ARPC4: variants seen among roughly 807,000 people sequenced by gnomAD.
ARPC4 encodes actin-related protein 2/3 complex subunit 4.
Under a neutral mutation model 22.8 loss-of-function variants are expected in ARPC4, and 3 were observed. The ratio of observed to expected loss-of-function variants is 0.13; its 90% CI spans 0.06 to 0.34. ARPC4 has a LOEUF of 0.34. Ranked by LOEUF, ARPC4 falls within the 10% of genes least tolerant of loss-of-function variation. ARPC4 has a pLI of 1.00. For missense variants in ARPC4, 98 were observed against 211.0 expected, an observed-to-expected ratio of 0.46 and a Z score of 3.32; for synonymous variants, 80 against 72.5, an observed-to-expected ratio of 1.10 and a Z score of -0.52.
chr3:9,793,523 C>T (rs1346399585), intron 1 of ARPC4, among the ~76,000 whole-genome samples: 1 of 152,218 alleles, frequency 6.6e-6, no homozygotes, highest in African/African-American at 2.4e-5. Context: ...CCTTTGTCCT[C>T]TTCTGCCTTC....
chr3:9,795,243 A>G lies in ARPC4; in HGVS notation c.3+2119A>G, dbSNP rs1309121436. The stretch of plus-strand genomic sequence containing the variant: ...TTGAACTCCTGACCTGAGGTGGTCC[A>G]CCCACCTCGGCCTCCCAAAGTGCCG... On this transcript the variant is annotated intron_variant, in intron 1 of 5. Transcript: ENST00000397261. Among the ~76,000 whole-genome samples the G allele has an allele frequency of 3.3e-5, 5 of 152,036 alleles. 1 individual carries two copies. The East Asian group carries it at 9.7e-4, about 29-fold the overall frequency.
Position 9,802,919 on chromosome 3 carries a change from C to T in ARPC4, c.331-924C>T, listed in dbSNP as rs187980478. 2.6e-3 allele frequency among the ~76,000 whole-genome samples: 394 copies of T among 152,102 alleles called. 1 individual carries two copies. The highest frequency in any genetic ancestry group is 9.2e-3 in the African/African-American group (380 of 41,478). ...CTGACCTCAGGTGATCCGCCTGCCT[C>T]GGCCTCCCAAAGTGAATCATAGTCT... On this transcript the variant is annotated intron_variant, in intron 4 of 5. Transcript: ENST00000397261.
chr3:9,797,071 T>C (rs961259001), intron 1 of ARPC4, among the ~76,000 whole-genome samples: 11 of 145,898 alleles, frequency 7.5e-5, no homozygotes, highest in African/African-American at 2.8e-4. Context: ...GTCATCTTTA[T>C]ATCATAGTTA....
chr3:9,805,489 G>A (rs1457042656), intron 5 of ARPC4, among the ~76,000 whole-genome samples: 1 of 152,204 alleles, frequency 6.6e-6, no homozygotes, highest in Non-Finnish European at 1.5e-5. Flanking sequence ...GTATGGAGTG[G>A]GCAGGGTGAG....
At chr3:9,800,705 A>G (rs952275883) in intron 3 of ARPC4, among the ~76,000 whole-genome samples, 1 of 152,074 alleles carries the variant, frequency 6.6e-6, no homozygotes, top group African/African-American at 2.4e-5. Flanking sequence ...GATTACAGTC[A>G]TGAGCCACCA....
chr3:9,806,365 G>C lies in ARPC4; in HGVS notation c.*150G>C, dbSNP rs77589628. The C allele has an allele frequency of 5.0e-3, 4,547 of 915,244 alleles. 165 individuals carry two copies. In the East Asian group the frequency reaches 0.084, roughly 17 times the overall value. 56.7% of individuals were successfully genotyped at this position (915,244 alleles called of 1,614,324 possible). On this transcript the variant is annotated 3_prime_UTR_variant, in exon 6 of 6. Coordinates refer to ENST00000397261, the MANE Select transcript of ARPC4 (RefSeq NM_005718.5). ...CGGGAGGTGGGTGGTGTGCTTGCTAGCTGGGCAAGAAAGCAGCAGTGGACC... is the reference window on the plus strand; with the variant it reads ...CGGGAGGTGGGTGGTGTGCTTGCTACCTGGGCAAGAAAGCAGCAGTGGACC...
At chr3:9,794,650 CAGCCT>C (rs2078841530) in intron 1 of ARPC4, among the ~76,000 whole-genome samples, 7 of 152,070 alleles carry the variant, frequency 4.6e-5, no homozygotes, top group Non-Finnish European at 1.0e-4. Flanking sequence ...CACTGCACTT[CAGCCT>C]GGACAATATA....
At chr3:9,803,495 C>G in intron 4 of ARPC4, 1 of 471,498 alleles carries the variant, frequency 2.1e-6, no homozygotes, top group South Asian at 1.5e-5. Context: ...TCTTCCACAT[C>G]ATCTCTTCTC....
chr3:9,795,288 CT>C (rs1159835578), intron 1 of ARPC4, among the ~76,000 whole-genome samples: 1 of 152,168 alleles, frequency 6.6e-6, no homozygotes, highest in African/African-American at 2.4e-5. Flanking sequence ...GCGTGAGCCC[CT>C]GGGAAGTTTT....
chr3:9,794,815 C>A (rs944059625), intron 1 of ARPC4, among the ~76,000 whole-genome samples: 14 of 152,086 alleles, frequency 9.2e-5, no homozygotes, highest in South Asian at 2.1e-4. Flanking sequence ...ACTGATTTTT[C>A]CCCCCTGTAG....
chr3:9,802,788 C>T (rs1437182517), intron 4 of ARPC4, among the ~76,000 whole-genome samples: 1 of 151,968 alleles, frequency 6.6e-6, no homozygotes, highest in Non-Finnish European at 1.5e-5. Context: ...ATTCTCCTGC[C>T]TCAGCCTCCC....
intron 1 of ARPC4, among the ~76,000 whole-genome samples, chr3:9,794,360 G>A (rs1311531814): frequency 4.6e-5 from 7 of 152,118 alleles, no homozygotes; most frequent in South Asian, 2.1e-4. Flanking sequence ...TTAGCCGGGC[G>A]TGGTGGTGGG....
chr3:9,796,927 C>T (rs1252411655), intron 1 of ARPC4, among the ~76,000 whole-genome samples: 2 of 117,388 alleles, frequency 1.7e-5, no homozygotes, highest in Non-Finnish European at 3.3e-5. Flanking sequence ...GGCAACAGAG[C>T]GAGACTCTGT....
chr3:9,803,173 G>A (rs552676419), intron 4 of ARPC4, among the ~76,000 whole-genome samples: 8 of 152,342 alleles, frequency 5.3e-5, no homozygotes, highest in Admixed American at 3.3e-4. Context: ...GTGAGCCACC[G>A]CGCCCGGCCC....
At chr3:9,793,188 G>A (rs1208477984) in intron 1 of ARPC4, 64 bp downstream of exon 1, 2 of 1,517,538 alleles carry the variant, frequency 1.3e-6, no homozygotes, top group Admixed American at 4.2e-5. Context: ...GTGGGTCGGT[G>A]GGAGATGTGG....
chr3:9,798,828 C>T (rs554207112), intron 2 of ARPC4, among the ~76,000 whole-genome samples: 25 of 152,072 alleles, frequency 1.6e-4, no homozygotes, highest in Middle Eastern at 6.8e-3. Flanking sequence ...GAGCCAAGAT[C>T]GTGCCACCGC....
At chr3:9,803,059 A>G (rs1477834839) in intron 4 of ARPC4, among the ~76,000 whole-genome samples, 1 of 151,722 alleles carries the variant, frequency 6.6e-6, no homozygotes, top group African/African-American at 2.4e-5. Context: ...AATTTTTTGT[A>G]TTTTTAGTAG....
At position 9,793,106 on chromosome 3, in the gene ARPC4, C is replaced by T; in HGVS notation, c.-16C>T. On this transcript the variant is annotated 5_prime_UTR_variant, in exon 1 of 6. Transcript: ENST00000397261. ...CACTTCCGTACTTCCGCTTTCCGGC[C>T]CAGCCAGCGCCCGCGATGGTGAGAG... is the stretch of plus-strand genomic sequence containing the variant. The T allele has an allele frequency of 1.9e-6, 3 of 1,544,024 alleles. No homozygotes were observed. Among genetic ancestry groups the T allele is most frequent in the Admixed American group, 2.0e-5 (1 of 50,290 alleles).
intron 3 of ARPC4, among the ~76,000 whole-genome samples, chr3:9,801,083 C>T (rs979563331): frequency 7.3e-5 from 11 of 151,608 alleles, no homozygotes; most frequent in African/African-American, 1.7e-4. Context: ...TGGTGGCACG[C>T]GCCTGTAATC....
Sources: gnomAD v4.1 joint callset for allele counts (sites outside exome capture counted in the v4.1 genomes callset) on GRCh38, gnomAD v4.1.1 for gene constraint, MANE v1.5 for transcripts, NCBI Gene and HGNC (gene_info 2026-07-23, HGNC 2026-07-21) for gene names.